The following DGLUCY variants were observed in gnomAD, a reference collection of about 807,000 sequenced individuals.
DGLUCY encodes the protein D-glutamate cyclase, mitochondrial.
DGLUCY carries 58 observed loss-of-function variants against 58.5 expected under a neutral mutation model. The ratio of observed to expected loss-of-function variants is 0.99; its 90% CI spans 0.80 to 1.23. The LOEUF is 1.23. Ranked by LOEUF, DGLUCY falls within the 50% of genes most tolerant of loss-of-function variation. The pLI, the probability that DGLUCY is intolerant of heterozygous loss-of-function variation, is 0.00. For synonymous variants in DGLUCY, 325 were observed against 314.1 expected (o/e 1.03, Z -0.37); for missense variants, 779 against 784.7 (o/e 0.99, Z 0.09).
intron 1 of DGLUCY, among the ~76,000 whole-genome samples, chr14:91,134,003 G>A (rs2046181999): frequency 6.6e-6 from 1 of 152,070 alleles, no homozygotes; most frequent in Non-Finnish European, 1.5e-5. Context: ...TGTTTTTTGA[G>A]TTGAGTTGTG....
At chr14:91,108,518 TGTGTGTGTGAGAGA>T (rs1375387711) in intron 1 of DGLUCY, among the ~76,000 whole-genome samples, 975 of 93,110 alleles carry the variant, frequency 0.01, 8 homozygotes, top group African/African-American at 0.034. Flanking sequence ...TGTGTGTGTG[TGTGTGTGTGAGAGA>T]GAGAGAGAGA....
rs1374514765 is a variant in DGLUCY, at chr14:91,202,886, C to T, written c.1445-1820C>T. On this transcript the variant is annotated intron_variant, in intron 11 of 13. Transcript: ENST00000256324. ...GAGCCCAGTCTCCTCCTGTGGCCCC[C>T]GCCGCCCCAGACCCTCCTGCCCAGC... 5.9e-5 allele frequency among the ~76,000 whole-genome samples: 9 copies of T among 152,284 alleles called. No homozygotes were observed. The South Asian group carries it at 6.2e-4, about 11-fold the overall frequency.
chr14:91,119,914 C>T (rs2045246453), intron 1 of DGLUCY, among the ~76,000 whole-genome samples: 1 of 152,172 alleles, frequency 6.6e-6, no homozygotes, highest in African/African-American at 2.4e-5. Flanking sequence ...CCAAGTTCTT[C>T]AGCTTTGGAC....
chr14:91,160,245 C>G, intron 2 of DGLUCY, 21 bp from the exon 3 acceptor site: 1 of 1,446,700 alleles, frequency 6.9e-7, no homozygotes, highest in Non-Finnish European at 9.7e-7. Flanking sequence ...CTAATTTGTT[C>G]CCTTTCCTTC....
At chr14:91,196,744 TAAAAAA>T (rs146566022) in intron 10 of DGLUCY, among the ~76,000 whole-genome samples, 5 of 94,872 alleles carry the variant, frequency 5.3e-5, no homozygotes, top group Admixed American at 1.2e-4. Flanking sequence ...GACATAGCAC[TAAAAAA>T]AAAAAAAAAA....
intron 8 of DGLUCY, among the ~76,000 whole-genome samples, chr14:91,184,728 C>T (rs1412618197): frequency 6.6e-6 from 1 of 151,926 alleles, no homozygotes; most frequent in Non-Finnish European, 1.5e-5. Flanking sequence ...CAAAAGTTGT[C>T]TTCCAATGAC....
chr14:91,220,025 G>A (rs1479477939), intron 13 of DGLUCY, among the ~76,000 whole-genome samples: 3 of 152,210 alleles, frequency 2.0e-5, no homozygotes, highest in East Asian at 1.9e-4. Context: ...CAGCCAGGCC[G>A]GCTGTGCCTG....
chr14:91,141,407 C>T (rs1286478530), intron 1 of DGLUCY, among the ~76,000 whole-genome samples: 1 of 151,722 alleles, frequency 6.6e-6, no homozygotes. Flanking sequence ...AAGGAGTTAT[C>T]GTATATTGAA....
At chr14:91,196,261 A>G (rs1292934773) in intron 9 of DGLUCY, 114 bp from the exon 10 acceptor site, 1 of 745,726 alleles carries the variant, frequency 1.3e-6, no homozygotes, top group Non-Finnish European at 2.3e-6. Context: ...CTACAGATAG[A>G]TGTTGTTCAA....
At chr14:91,143,985 G>A (rs1310076900) in intron 1 of DGLUCY, among the ~76,000 whole-genome samples, 3 of 152,036 alleles carry the variant, frequency 2.0e-5, no homozygotes, top group Admixed American at 6.6e-5. Context: ...AAGGGCCACC[G>A]CTCTCTGCAT....
intron 1 of DGLUCY, among the ~76,000 whole-genome samples, chr14:91,140,791 A>G (rs2046620437): frequency 6.6e-6 from 1 of 152,208 alleles, no homozygotes. Flanking sequence ...TGAAATGAGT[A>G]TCAACCTGGA....
chr14:91,101,319 C>A (rs2044482674), intron 1 of DGLUCY, among the ~76,000 whole-genome samples: 2 of 152,158 alleles, frequency 1.3e-5, no homozygotes, highest in Admixed American at 1.3e-4. Flanking sequence ...CGACCCCTAG[C>A]AACCATCAAT....
intron 6 of DGLUCY, 194 bp from the exon 7 acceptor site, chr14:91,175,740 T>G: frequency 1.9e-6 from 1 of 516,626 alleles, no homozygotes; most frequent in South Asian, 2.0e-5. Context: ...CCATGCCACA[T>G]GGACTGTAAA....
Position 91,224,671 on chromosome 14 carries a change from T to C in DGLUCY, c.1717-13T>C. On this transcript the variant is annotated splice_polypyrimidine_tract_variant and intron_variant, in intron 13 of 13. Transcript: ENST00000256324. ...CCCTCCACTCCTTCTATTTCTGCCC[T>C]ATTTTTTTCCAGGAAGAAAAAATGC... 6.3e-7 allele frequency: 1 copy of C among 1,587,082 alleles called. No individual in the cohort carries two copies. The highest frequency in any genetic ancestry group is 8.6e-7 in the Non-Finnish European group (1 of 1,159,472).
At chr14:91,070,230 AAAAG>A (rs1421281858) in intron 1 of DGLUCY, among the ~76,000 whole-genome samples, 1 of 152,156 alleles carries the variant, frequency 6.6e-6, no homozygotes, top group Non-Finnish European at 1.5e-5. Context: ...CCTCCAAGCC[AAAAG>A]AGTCTCTTGG....
intron 1 of DGLUCY, among the ~76,000 whole-genome samples, chr14:91,139,282 C>T (rs908551896): frequency 2.0e-5 from 3 of 152,186 alleles, no homozygotes; most frequent in Non-Finnish European, 2.9e-5. Context: ...TCTTCGAGTC[C>T]TCCGTAGACT....
intron 1 of DGLUCY, among the ~76,000 whole-genome samples, chr14:91,137,076 G>A (rs1024953025): frequency 1.3e-5 from 2 of 151,842 alleles, no homozygotes; most frequent in African/African-American, 4.8e-5. Flanking sequence ...ACAGAAGAGA[G>A]TGATCTAATG....
intron 1 of DGLUCY, among the ~76,000 whole-genome samples, chr14:91,099,209 G>T (rs1375211389): frequency 6.6e-6 from 1 of 152,114 alleles, no homozygotes; most frequent in African/African-American, 2.4e-5. Flanking sequence ...ACATGGTGTG[G>T]GGTCAGAGTT....
chr14:91,093,634 A>G (rs2044348230), intron 1 of DGLUCY, among the ~76,000 whole-genome samples: 1 of 151,996 alleles, frequency 6.6e-6, no homozygotes, highest in Admixed American at 6.6e-5. Flanking sequence ...GCAAAACCCT[A>G]TCTCTACTAA....
Sources: gnomAD v4.1 joint callset for allele counts (sites outside exome capture counted in the v4.1 genomes callset) on GRCh38, gnomAD v4.1.1 for gene constraint, MANE v1.5 for transcripts, NCBI Gene and HGNC (gene_info 2026-07-23, HGNC 2026-07-21) for gene names.